CERS3: variants seen among roughly 807,000 people sequenced by gnomAD.
The protein encoded by CERS3 is ceramide synthase 3.
A neutral mutation model predicts 50.3 loss-of-function variants in CERS3; 33 were observed. The observed-to-expected ratio is 0.66, with a 90% CI of 0.50 to 0.88. The LOEUF (loss-of-function observed/expected upper bound fraction) is 0.88. CERS3 is among the 40% of genes least tolerant of loss of function. The pLI is 0.00. For synonymous variants in CERS3, 176 were observed against 155.2 expected (o/e 1.13, Z -0.99); for missense variants, 470 against 460.3 (o/e 1.02, Z -0.19).
intron 3 of CERS3, among the ~76,000 whole-genome samples, chr15:100,498,955 G>A (rs923152920): frequency 2.0e-5 from 3 of 152,100 alleles, no homozygotes; most frequent in Non-Finnish European, 2.9e-5. Flanking sequence ...AAAGTCTAAT[G>A]TGCATATTTT....
intron 11 of CERS3, among the ~76,000 whole-genome samples, chr15:100,411,297 C>T (rs983906339): frequency 3.3e-5 from 5 of 151,930 alleles, no homozygotes; most frequent in African/African-American, 4.8e-5. Flanking sequence ...AAGTAGCTGG[C>T]GTTACAGGTG....
intron 3 of CERS3, among the ~76,000 whole-genome samples, chr15:100,501,093 C>A (rs1355602538): frequency 4.6e-5 from 7 of 152,050 alleles, no homozygotes; most frequent in Admixed American, 2.6e-4. Flanking sequence ...TAAATTAAAT[C>A]AAGAAAAAAA....
chr15:100,420,405 A>G (rs1418965785), intron 11 of CERS3, among the ~76,000 whole-genome samples: 3 of 152,184 alleles, frequency 2.0e-5, no homozygotes, highest in African/African-American at 7.2e-5. Flanking sequence ...CTCTGAATAG[A>G]CCAATAACAG....
At chr15:100,432,711 G>C (rs992492558) in intron 11 of CERS3, among the ~76,000 whole-genome samples, 3 of 152,188 alleles carry the variant, frequency 2.0e-5, no homozygotes, top group African/African-American at 7.2e-5. Context: ...GCATGTCTTA[G>C]GAGGTACGTT....
intron 11 of CERS3, among the ~76,000 whole-genome samples, chr15:100,443,266 C>G (rs556658234): frequency 1.3e-5 from 2 of 151,522 alleles, no homozygotes; most frequent in South Asian, 4.2e-4. Context: ...ACCCTTACCC[C>G]GCTCAACGCC....
chr15:100,483,787 A>ATTATTATTATTTTTTTTTTTTT (rs760594142), intron 5 of CERS3, among the ~76,000 whole-genome samples: 2 of 100,040 alleles, frequency 2.0e-5, no homozygotes, highest in African/African-American at 7.7e-5. Context: ...TATTATTATT[A>ATTATTATTATTTTTTTTTTTTT]TTTTTTTTTT....
chr15:100,469,290 T>C (rs2034884571), intron 10 of CERS3, 88 bp downstream of exon 10: 2 of 880,560 alleles, frequency 2.3e-6, no homozygotes, highest in South Asian at 1.5e-5. Flanking sequence ...GACCCACGTA[T>C]GGAAAGGGCA....
intron 2 of CERS3, among the ~76,000 whole-genome samples, chr15:100,508,000 G>A (rs1232559079): frequency 6.6e-6 from 1 of 152,208 alleles, no homozygotes; most frequent in Non-Finnish European, 1.5e-5. Context: ...TAAGAAAGAG[G>A]TAGATTCTAT....
intron 2 of CERS3, among the ~76,000 whole-genome samples, chr15:100,513,298 G>C (rs141567412): frequency 6.6e-6 from 1 of 152,154 alleles, no homozygotes; most frequent in Non-Finnish European, 1.5e-5. Context: ...ACTTGGGGAA[G>C]GTTGTGTCAG....
At chr15:100,458,024 GAT>G (rs1452958790) in intron 10 of CERS3, among the ~76,000 whole-genome samples, 2 of 151,096 alleles carry the variant, frequency 1.3e-5, no homozygotes, top group Non-Finnish European at 3.0e-5. Context: ...GTACATTAAA[GAT>G]ATTAAAATTC....
rs904272381 is a variant in CERS3 at position 100,542,645 on chromosome 15, A to G, written c.-355+2006T>C. Among the ~76,000 whole-genome samples the G allele has an allele frequency of 2.4e-4, 37 of 152,320 alleles. 1 individual carries two copies. The highest frequency in any genetic ancestry group is 8.9e-4 in the African/African-American group (37 of 41,568). ...CAATTGTGGAAATAATTAGTATGCA[A>G]TAATTATTACTACCATAGGGCACTT... is the stretch of plus-strand genomic sequence containing the variant. On this transcript the variant is annotated intron_variant, in intron 1 of 12. Coordinates refer to the CERS3 transcript ENST00000284382.
intron 11 of CERS3, among the ~76,000 whole-genome samples, chr15:100,430,267 A>G (rs190502703): frequency 6.1e-4 from 92 of 151,890 alleles, no homozygotes; most frequent in African/African-American, 1.5e-3. Context: ...AGCCGAGATC[A>G]CGCCACTGCA....
intron 3 of CERS3, among the ~76,000 whole-genome samples, chr15:100,495,694 A>G (rs1250391777): frequency 6.6e-6 from 1 of 152,172 alleles, no homozygotes; most frequent in African/African-American, 2.4e-5. Flanking sequence ...TTTATCAGAT[A>G]TATGTTTTAC....
intron 1 of CERS3, among the ~76,000 whole-genome samples, chr15:100,522,231 GT>G (rs982691378): frequency 2.6e-5 from 4 of 152,194 alleles, no homozygotes; most frequent in African/African-American, 9.7e-5. Flanking sequence ...TAGCACATGG[GT>G]TTTCAAAGGA....
Position 100,455,968 on chromosome 15 carries a change from G to A in CERS3, c.924C>T (p.Leu308=), listed in dbSNP as rs150864716. 2.4e-4 allele frequency: 386 copies of A among 1,612,542 alleles called. No individual in the cohort carries two copies. The highest frequency in any genetic ancestry group is 3.1e-4 in the Non-Finnish European group (370 of 1,178,854). Residue 308 remains leucine, a synonymous_variant, in exon 11 of 12, where the codon CTC becomes CTT. Coordinates refer to ENST00000679737, the MANE Select transcript of CERS3 (RefSeq NM_001378789.1). ...AAAGGTGAAGGACCTGCAAGATCAT[G>A]AGCTGTAGGTTGAGGAAGATGTATG... The part of the protein sequence containing the change: ...FFSYIFLNLQ[L]MILQVLHLYW...
At chr15:100,516,292 G>A (rs1454890543) in intron 2 of CERS3, among the ~76,000 whole-genome samples, 1 of 152,202 alleles carries the variant, frequency 6.6e-6, no homozygotes, top group East Asian at 1.9e-4. Context: ...GCAGCTGTAA[G>A]TCTTGCCTAA....
intron 11 of CERS3, among the ~76,000 whole-genome samples, chr15:100,431,788 G>A (rs1277046154): frequency 6.6e-6 from 1 of 152,160 alleles, no homozygotes; most frequent in Non-Finnish European, 1.5e-5. Flanking sequence ...GGTCTGTGTT[G>A]GGACCTGGCT....
rs180996531 is a variant in CERS3, at chr15:100,459,901, G to T, written c.846-3855C>A. Among the ~76,000 whole-genome samples the T allele has an allele frequency of 3.6e-3, 549 of 151,828 alleles. 4 individuals carry two copies. Among genetic ancestry groups the T allele is most frequent in the African/African-American group, 0.013 (532 of 41,384 alleles). On this transcript the variant is annotated intron_variant, in intron 10 of 11. Coordinates refer to ENST00000679737, the MANE Select transcript of CERS3 (RefSeq NM_001378789.1). ...TATCTCTTATTGGTTATTTTACTCG[G>T]CTACTTTTATTTATTCTTTATGAAC...
At chr15:100,490,568 T>C (rs1198800417) in intron 4 of CERS3, among the ~76,000 whole-genome samples, 1 of 152,040 alleles carries the variant, frequency 6.6e-6, no homozygotes, top group African/African-American at 2.4e-5. Context: ...GCACTGATCA[T>C]TAGTGCTCTA....
Sources: allele counts gnomAD v4.1 joint callset (sites outside exome capture counted in the v4.1 genomes callset), GRCh38; gene constraint gnomAD v4.1.1; transcripts MANE v1.5; gene names NCBI Gene and HGNC (gene_info 2026-07-23, HGNC 2026-07-21).